The following DNTTIP2 variants were observed in gnomAD, a reference collection of about 807,000 sequenced individuals.
DNTTIP2 encodes deoxynucleotidyltransferase terminal interacting protein 2, also known as deoxynucleotidyltransferase terminal-interacting protein 2.
Under a neutral mutation model 62.4 loss-of-function variants are expected in DNTTIP2, and 47 were observed. That is an observed-to-expected ratio of 0.75 (90% confidence interval 0.60 to 0.96). The LOEUF (loss-of-function observed/expected upper bound fraction) is 0.96. Among genes scored for constraint, DNTTIP2 ranks in the 40% least tolerant of loss-of-function variants. DNTTIP2 has a pLI of 0.00. For synonymous variants in DNTTIP2, 322 were observed against 300.9 expected, an observed-to-expected ratio of 1.07 and a Z score of -0.73; for missense variants, 870 against 849.1, an observed-to-expected ratio of 1.02 and a Z score of -0.31.
At chr1:93,879,005 CCTTG>C (rs1656086092) in intron 1 of DNTTIP2, 68 bp downstream of exon 1, 2 of 1,580,882 alleles carry the variant, frequency 1.3e-6, no homozygotes, top group Non-Finnish European at 1.7e-6. Flanking sequence ...TTAACCGGAC[CCTTG>C]CGCCGCCCCG....
intron 2 of DNTTIP2, 90 bp downstream of exon 2, chr1:93,876,178 T>A: frequency 1.0e-6 from 1 of 998,996 alleles, no homozygotes; most frequent in Non-Finnish European, 1.3e-6. Context: ...GATTTTCTCA[T>A]TCCCCAGGCT....
In DNTTIP2 at chr1:93,876,732, T is replaced by C. The variant is rs1656018579; in HGVS notation, c.1203A>G (p.Glu401=). 1.2e-6 allele frequency: 2 copies of C among 1,614,020 alleles called. No individual in the cohort carries two copies. The highest frequency in any genetic ancestry group is 1.7e-6 in the Non-Finnish European group (2 of 1,179,886). The change falls in exon 2 of 7, where the codon GAA becomes GAG. Residue 401 remains glutamate, a synonymous_variant. Transcript: ENST00000436063. ...CACTGACACTTATAACTGTGGACTCTTCTTCATCATCACTACCACCACAAT... is the reference window on the plus strand; with the variant it reads ...CACTGACACTTATAACTGTGGACTCCTCTTCATCATCACTACCACCACAAT... ...FGDCGGSDDE[E]ESTVISVSED...
At chr1:93,872,872 CTA>C (rs34797896) in intron 4 of DNTTIP2, among the ~76,000 whole-genome samples, 1 of 127,928 alleles carries the variant, frequency 7.8e-6, no homozygotes, top group Non-Finnish European at 1.5e-5. Flanking sequence ...TAGAAGTAAT[CTA>C]TATATATATA....
At chr1:93,878,078 AG>A (rs1571186773) in intron 1 of DNTTIP2, among the ~76,000 whole-genome samples, 1 of 152,134 alleles carries the variant, frequency 6.6e-6, no homozygotes, top group Admixed American at 6.5e-5. Context: ...AGGCCGAGGC[AG>A]GTGGATCACG....
intron 5 of DNTTIP2, among the ~76,000 whole-genome samples, chr1:93,871,491 C>A (rs1655861902): frequency 1.3e-5 from 2 of 151,360 alleles, no homozygotes; most frequent in Admixed American, 1.3e-4. Context: ...CAAACAAGAA[C>A]TATGGATATG....
At position 93,876,560 on chromosome 1, in the gene DNTTIP2, C is replaced by T. The variant is rs371870982; in HGVS notation, c.1375G>A (p.Glu459Lys). 22 of 1,613,918 alleles carry T rather than the reference C, an allele frequency of 1.4e-5. No homozygotes were observed. The highest frequency in any genetic ancestry group is 1.7e-5 in the Non-Finnish European group (20 of 1,179,910). ...TCAACAAAACATAAAGTATCCTCTT[C>T]ATTCTCACTGTTTTCAGACTGTTGG... is the stretch of plus-strand genomic sequence containing the variant. ...ESQQSENSEN[E>K]EDTLCFVENS... is the part of the protein sequence containing the mutation. The change falls in exon 2 of 7, where the codon GAA becomes AAA. Residue 459 changes from glutamate to lysine, a missense_variant. Transcript: ENST00000436063.
intron 1 of DNTTIP2, 136 bp downstream of exon 1, chr1:93,878,941 G>C (rs759538776): frequency 2.0e-5 from 23 of 1,154,286 alleles, no homozygotes; most frequent in Admixed American, 2.7e-5. Flanking sequence ...ACGGGGCCTG[G>C]GAGACCCAAG....
At position 93,868,829 on chromosome 1, in the gene DNTTIP2, A is replaced by C. The variant is rs1469353121; in HGVS notation, c.*1022T>G. ...AGAACACATGGACACAGGGAGGGGAACATCACACACTGGGGCCTGTTGTGG... is the reference window on the plus strand; with the variant it reads ...AGAACACATGGACACAGGGAGGGGACCATCACACACTGGGGCCTGTTGTGG... On this transcript the variant is annotated 3_prime_UTR_variant, in exon 7 of 7. Coordinates refer to ENST00000436063, the MANE Select transcript of DNTTIP2 (RefSeq NM_014597.5). 1 of 152,122 alleles carries C rather than the reference A, an allele frequency of 6.6e-6. No homozygotes were observed. The highest frequency in any genetic ancestry group is 1.5e-5 in the Non-Finnish European group (1 of 68,044). The allele number at this position is 152,122 out of a possible 1,614,324, so 9.4% of individuals were successfully genotyped here.
chr1:93,872,970 A>G (rs1188745598), intron 4 of DNTTIP2, 149 bp downstream of exon 4: 4 of 524,670 alleles, frequency 7.6e-6, no homozygotes, highest in East Asian at 6.9e-5. Flanking sequence ...TTATGGTACT[A>G]TATTTTACAG....
Position 93,879,143 on chromosome 1 carries a change from C to T in DNTTIP2, c.6G>A (p.Val2=). 6.2e-7 allele frequency: 1 copy of T among 1,612,890 alleles called. No individual in the cohort carries two copies. Among genetic ancestry groups the T allele is most frequent in the Non-Finnish European group, 8.5e-7 (1 of 1,179,640 alleles). Residue 2 remains valine, a synonymous_variant, in exon 1 of 7, where the codon GTG becomes GTA. Transcript: ENST00000436063. The stretch of plus-strand genomic sequence containing the variant: ...CCTTAGCCCGTGCAGATCTGGTAAC[C>T]ACCATCTTTCCGGCTCCCTCGCGAC... M[V]VTRSARAKAS...
rs1656046030 is a variant in DNTTIP2, at chr1:93,877,565, T to C, written c.370A>G (p.Lys124Glu). The change falls in exon 2 of 7, where the codon AAA (lysine) becomes GAA (glutamate). Residue 124 changes from lysine to glutamate, a missense_variant. Lys to Glu is a moderately conservative substitution (Grantham distance 56). Transcript: ENST00000436063. ...IACSPVSSVR[K>E]KPKVTPTKES... Reference sequence around the variant, plus strand: ...TTTGTTGGAGTTACTTTCGGCTTTTTCCTAACACTGGACACTGGGGAGCAT... The same window carrying C: ...TTTGTTGGAGTTACTTTCGGCTTTTCCCTAACACTGGACACTGGGGAGCAT... 3 of 1,613,902 alleles carry C rather than the reference T, an allele frequency of 1.9e-6. No individual in the cohort carries two copies.
chr1:93,879,002 G>C, intron 1 of DNTTIP2, 75 bp downstream of exon 1: 2 of 1,574,304 alleles, frequency 1.3e-6, no homozygotes, highest in South Asian at 1.2e-5. Context: ...CCCTTAACCG[G>C]ACCCTTGCGC....
chr1:93,877,770 T>C lies in DNTTIP2; in HGVS notation c.165A>G (p.Gln55=), dbSNP rs1026687385. 6.2e-7 allele frequency: 1 copy of C among 1,612,430 alleles called. No homozygotes were observed. Among genetic ancestry groups the C allele is most frequent in the African/African-American group, 1.3e-5 (1 of 75,020 alleles). Residue 55 remains glutamine, a synonymous_variant, in exon 2 of 7, where the codon CAA becomes CAG. Coordinates refer to ENST00000436063, the MANE Select transcript of DNTTIP2 (RefSeq NM_014597.5). ...CTTTAGGAGTTCTAGGGATTAAACT[T>C]TGCTTCCCAGTGGTCTGTGATTCAG... ...TTAESQTTGK[Q]SLIPRTPKAR...
At position 93,875,682 on chromosome 1, in the gene DNTTIP2, CTCT is replaced by C; in HGVS notation, c.1766_1768del (p.Lys589del). 1 of 1,613,146 alleles carries C rather than the reference CTCT, an allele frequency of 6.2e-7. No homozygotes were observed. The highest frequency in any genetic ancestry group is 8.5e-7 in the Non-Finnish European group (1 of 1,179,682). ...TTTCTCCTTGATCTGTGTTAGGGTTCTCTTGTTAGACTGTAGTTTATCTGCATT... is the reference window on the plus strand; with the variant it reads ...TTTCTCCTTGATCTGTGTTAGGGTTCTGTTAGACTGTAGTTTATCTGCATT... On this transcript the variant is annotated inframe_deletion, in exon 3 of 7. Coordinates refer to ENST00000436063, the MANE Select transcript of DNTTIP2 (RefSeq NM_014597.5).
intron 3 of DNTTIP2, 24 bp from the exon 4 acceptor site, chr1:93,873,238 T>A: frequency 1.3e-6 from 2 of 1,530,360 alleles, no homozygotes; most frequent in South Asian, 1.1e-5. Context: ...AAATTGGTTT[T>A]AAAATAATGT....
chr1:93,874,653 G>A (rs560826873), intron 3 of DNTTIP2, among the ~76,000 whole-genome samples: 1 of 152,188 alleles, frequency 6.6e-6, no homozygotes, highest in Admixed American at 6.5e-5. Flanking sequence ...CTGTGTGTGT[G>A]GTGTGTTTTT....
In DNTTIP2 at chr1:93,879,099, G is replaced by A. The variant is rs376215468; in HGVS notation, c.50C>T (p.Ser17Leu). 20 of 1,613,612 alleles carry A rather than the reference G, an allele frequency of 1.2e-5. No individual in the cohort carries two copies. The highest frequency in any genetic ancestry group is 3.3e-5 in the Admixed American group (2 of 60,014). Residue 17 changes from serine (S) to leucine (L), a missense_variant, in exon 1 of 7, where the codon TCG becomes TTG. Physicochemically the swap from Ser to Leu is moderately radical, Grantham distance 145 (BLOSUM62 -2). Coordinates refer to ENST00000436063, the MANE Select transcript of DNTTIP2 (RefSeq NM_014597.5). ...ARAKASIQAA[S>L]AESSGQKSFA... ...TACCTTTTGCCCGGAACTTTCAGCC[G>A]ACGCGGCTTGGATGCTGGCCTTAGC...
chr1:93,875,418 G>A lies in DNTTIP2; in HGVS notation c.1806+227C>T, dbSNP rs12082462. On this transcript the variant is annotated intron_variant, in intron 3 of 6. Coordinates refer to ENST00000436063, the MANE Select transcript of DNTTIP2 (RefSeq NM_014597.5). ...CAAAACCCCTGGGATCATAATTGGT[G>A]GGTGTAAGATGAGGAACACTGACCC... Among the ~76,000 whole-genome samples the A allele has an allele frequency of 2.5e-3, 384 of 152,264 alleles. 2 individuals are homozygous for A. Among genetic ancestry groups the A allele is most frequent in the African/African-American group, 8.8e-3 (367 of 41,554 alleles).
chr1:93,869,534 ACTTC>A lies in DNTTIP2; in HGVS notation c.*313_*316del, dbSNP rs1282576538. On this transcript the variant is annotated 3_prime_UTR_variant, in exon 7 of 7. Transcript: ENST00000436063. ...CTTTGAACATGTTAGCAAACTTTAT[ACTTC>A]CTATCTTTTAATTAAATTTTCTTTA... 1.3e-5 allele frequency: 3 copies of A among 234,378 alleles called. No individual in the cohort carries two copies. The highest frequency in any genetic ancestry group is 1.5e-3 in the Middle Eastern group (1 of 656). The allele number at this position is 234,378 out of a possible 1,614,324, so 14.5% of individuals were successfully genotyped here.
Sources: gnomAD v4.1 joint callset for allele counts (sites outside exome capture counted in the v4.1 genomes callset) on GRCh38, gnomAD v4.1.1 for gene constraint, MANE v1.5 for transcripts, NCBI Gene and HGNC (gene_info 2026-07-23, HGNC 2026-07-21) for gene names.